The following RCAN1 variants were observed in gnomAD, a reference collection of about 807,000 sequenced individuals.
The protein encoded by RCAN1 is calcipressin-1.
RCAN1 carries 11 observed loss-of-function variants against 22.9 expected under a neutral mutation model. The observed-to-expected ratio is 0.48, with a 90% confidence interval of 0.30 to 0.79. The LOEUF (loss-of-function observed/expected upper bound fraction) is 0.79. Among genes scored for constraint, RCAN1 ranks in the 30% least tolerant of loss-of-function variants. The pLI, the probability that RCAN1 is intolerant of heterozygous loss-of-function variation, is 0.06. For missense variants in RCAN1, 291 were observed against 337.8 expected, an observed-to-expected ratio of 0.86 and a Z score of 1.09; for synonymous variants, 136 against 142.3, an observed-to-expected ratio of 0.96 and a Z score of 0.32.
At chr21:34,561,042 G>A (rs368844686) in intron 1 of RCAN1, among the ~76,000 whole-genome samples, 1 of 152,216 alleles carries the variant, frequency 6.6e-6, no homozygotes, top group East Asian at 1.9e-4. Flanking sequence ...AGTTTCAGGG[G>A]ATCCGATGAT....
chr21:34,606,998 G>C (rs572837426), intron 1 of RCAN1, among the ~76,000 whole-genome samples: 1 of 152,316 alleles, frequency 6.6e-6, no homozygotes, highest in Non-Finnish European at 1.5e-5. Context: ...GGAACTTTCT[G>C]AATTAAATAA....
intron 1 of RCAN1, among the ~76,000 whole-genome samples, chr21:34,566,161 C>T (rs1226382633): frequency 8.5e-5 from 13 of 152,226 alleles, no homozygotes; most frequent in East Asian, 5.8e-4. Flanking sequence ...AGGTAGAGGC[C>T]GGGCAACCAT....
intron 1 of RCAN1, among the ~76,000 whole-genome samples, chr21:34,588,437 C>G (rs1170487483): frequency 1.3e-5 from 2 of 152,124 alleles, no homozygotes; most frequent in Non-Finnish European, 2.9e-5. Context: ...GTGTATTTTT[C>G]TGTATGTATG....
At chr21:34,572,910 A>G (rs1987281653) in intron 1 of RCAN1, among the ~76,000 whole-genome samples, 1 of 152,098 alleles carries the variant, frequency 6.6e-6, no homozygotes. Flanking sequence ...TCTCAAAAGA[A>G]CTCATTATCA....
intron 1 of RCAN1, chr21:34,526,977 A>G: frequency 9.0e-6 from 12 of 1,339,666 alleles, no homozygotes; most frequent in Non-Finnish European, 1.1e-5. Flanking sequence ...ACAAAGTGTA[A>G]GTTTCTACTG....
rs1984050480 is a variant in RCAN1 at position 34,516,522 on chromosome 21, A to G, written c.*1562T>C. ...GCATACTGTGCCCATTTATTATAGA[A>G]TGCAGTTAAAAAAAATATTTTGAGG... On this transcript the variant is annotated 3_prime_UTR_variant, in exon 4 of 4. Coordinates refer to ENST00000313806, the MANE Select transcript of RCAN1 (RefSeq NM_004414.7). 1 of 152,240 alleles carries G rather than the reference A, an allele frequency of 6.6e-6. No homozygotes were observed. The highest frequency in any genetic ancestry group is 1.5e-5 in the Non-Finnish European group (1 of 68,050). The allele number at this position is 152,240 out of a possible 1,614,324, so 9.4% of individuals were successfully genotyped here.
chr21:34,604,444 T>C (rs1244944533), intron 1 of RCAN1, among the ~76,000 whole-genome samples: 1 of 152,122 alleles, frequency 6.6e-6, no homozygotes, highest in Non-Finnish European at 1.5e-5. Flanking sequence ...CTTGGGGTCA[T>C]TTAAATCATC....
chr21:34,520,371 C>T (rs536618021), intron 3 of RCAN1, among the ~76,000 whole-genome samples: 10 of 152,288 alleles, frequency 6.6e-5, no homozygotes, highest in South Asian at 2.1e-4. Context: ...CTCATGCCCC[C>T]GGGCCAGGAG....
chr21:34,555,589 AAATAAT>A (rs1182682855), intron 1 of RCAN1, among the ~76,000 whole-genome samples: 1 of 150,666 alleles, frequency 6.6e-6, no homozygotes, highest in Non-Finnish European at 1.5e-5. Flanking sequence ...AAAATAAATA[AAATAAT>A]AATAATAATA....
At chr21:34,523,428 G>A in intron 2 of RCAN1, 109 bp downstream of exon 2, 1 of 1,025,592 alleles carries the variant, frequency 9.8e-7, no homozygotes, top group South Asian at 1.8e-5. Flanking sequence ...TTCTCAAGGT[G>A]AAGTCTCAGA....
chr21:34,589,196 G>T (rs1987893650), intron 1 of RCAN1, among the ~76,000 whole-genome samples: 1 of 152,010 alleles, frequency 6.6e-6, no homozygotes, highest in East Asian at 1.9e-4. Context: ...GTTTAGTAAA[G>T]AAAAAAATCA....
At chr21:34,520,595 T>C (rs1451365422) in intron 3 of RCAN1, among the ~76,000 whole-genome samples, 2 of 152,152 alleles carry the variant, frequency 1.3e-5, no homozygotes, top group Non-Finnish European at 2.9e-5. Flanking sequence ...AGATTGCTGG[T>C]CAAGGAGAAA....
intron 3 of RCAN1, among the ~76,000 whole-genome samples, chr21:34,519,942 A>G (rs967095429): frequency 6.6e-6 from 1 of 152,194 alleles, no homozygotes; most frequent in South Asian, 2.1e-4. Context: ...TCTGAGAGAG[A>G]GAATTCAGGC....
chr21:34,544,776 G>A (rs1249922240), intron 1 of RCAN1, among the ~76,000 whole-genome samples: 2 of 152,202 alleles, frequency 1.3e-5, no homozygotes, highest in Non-Finnish European at 2.9e-5. Flanking sequence ...CTGCTGTCAG[G>A]AAGCACCCGC....
chr21:34,531,904 G>C (rs370818055), intron 1 of RCAN1, among the ~76,000 whole-genome samples: 2 of 151,854 alleles, frequency 1.3e-5, no homozygotes, highest in Non-Finnish European at 2.9e-5. Context: ...ATGACCCCCC[G>C]TGTTAAAAAA....
chr21:34,614,344 A>C lies in RCAN1; in HGVS notation c.252+416T>G. ...CAGGGACGTCGTCCTATTTATGAAC[A>C]CTGAGTCACGTCGCCGCTCAATGTC... On this transcript the variant is annotated intron_variant, in intron 1 of 3. Coordinates refer to ENST00000313806, the MANE Select transcript of RCAN1 (RefSeq NM_004414.7). The surrounding 1 kb of genome is among the most constrained non-coding windows in gnomAD (Gnocchi z 6.0). 1.0e-6 allele frequency: 1 copy of C among 990,410 alleles called. No individual in the cohort carries two copies. Among genetic ancestry groups the C allele is most frequent in the Non-Finnish European group, 1.2e-6 (1 of 833,390 alleles). 61.4% of individuals were successfully genotyped at this position (990,410 alleles called of 1,614,324 possible). A position where few individuals can be genotyped will look rare whatever the true frequency, so the allele number is the denominator to read the frequency against.
At chr21:34,572,049 T>C (rs1987252626) in intron 1 of RCAN1, among the ~76,000 whole-genome samples, 1 of 152,128 alleles carries the variant, frequency 6.6e-6, no homozygotes, top group African/African-American at 2.4e-5. Context: ...CAGTACCCAG[T>C]TGTTCCAAAG....
At chr21:34,588,184 C>T (rs903192504) in intron 1 of RCAN1, among the ~76,000 whole-genome samples, 1 of 152,082 alleles carries the variant, frequency 6.6e-6, no homozygotes, top group Non-Finnish European at 1.5e-5. Flanking sequence ...TAATGTTGAA[C>T]AAAAGAAACA....
chr21:34,596,984 G>C (rs982903872), intron 1 of RCAN1, among the ~76,000 whole-genome samples: 22 of 152,200 alleles, frequency 1.4e-4, no homozygotes, highest in African/African-American at 5.3e-4. Context: ...GGGTTGGACA[G>C]TGACACCAGC....
Sources: allele counts gnomAD v4.1 joint callset (sites outside exome capture counted in the v4.1 genomes callset), GRCh38; gene constraint gnomAD v4.1.1; non-coding constraint Gnocchi (gnomAD v3.1); transcripts MANE v1.5; gene names NCBI Gene and HGNC (gene_info 2026-07-23, HGNC 2026-07-21).